Variants in SBNO2 observed in about 807,000 individuals in gnomAD.
The protein encoded by SBNO2 is protein strawberry notch homolog 2.
In SBNO2, 89 loss-of-function variants were observed where a neutral mutation model predicts 146.3. The ratio of observed to expected loss-of-function variants is 0.61; its 90% CI spans 0.51 to 0.73. SBNO2 has a LOEUF of 0.73. Ranked by LOEUF, SBNO2 falls within the 30% of genes least tolerant of loss-of-function variation. The pLI, the probability that SBNO2 is intolerant of heterozygous loss-of-function variation, is 0.00. For synonymous variants in SBNO2, 1,147 were observed against 892.6 expected, an observed-to-expected ratio of 1.29 and a Z score of -5.08; for missense variants, 2,092 against 2,003.7, an observed-to-expected ratio of 1.04 and a Z score of -0.84.
chr19:1,160,416 G>A (rs2080332450), intron 1 of SBNO2, among the ~76,000 whole-genome samples: 1 of 152,218 alleles, frequency 6.6e-6, no homozygotes. Context: ...TATTACAATG[G>A]CGGCCGCCTG....
chr19:1,116,148 C>T, intron 16 of SBNO2, 45 bp from the exon 17 acceptor site: 1 of 1,561,106 alleles, frequency 6.4e-7, no homozygotes, highest in Non-Finnish European at 8.7e-7. Flanking sequence ...GGAGCTGAGG[C>T]CAGGCGGGGT....
intron 4 of SBNO2, among the ~76,000 whole-genome samples, chr19:1,142,459 C>T (rs189847261): frequency 2.0e-4 from 31 of 152,358 alleles, no homozygotes; most frequent in Admixed American, 1.8e-3. Context: ...CCAGGCGGAT[C>T]GCCTGAGGTC....
At chr19:1,151,915 G>A (rs117800971) in intron 2 of SBNO2, among the ~76,000 whole-genome samples, 1,847 of 152,262 alleles carry the variant, frequency 0.012, 9 homozygotes, top group Non-Finnish European at 0.018. Context: ...TGCCCACCTC[G>A]GCCTCCCAGA....
At chr19:1,155,642 T>TG (rs1367751704) in intron 1 of SBNO2, among the ~76,000 whole-genome samples, 1 of 152,174 alleles carries the variant, frequency 6.6e-6, no homozygotes, top group Non-Finnish European at 1.5e-5. Context: ...CCTTCTGAGT[T>TG]GAATAACCTC....
Position 1,111,462 on chromosome 19 carries a change from C to T in SBNO2, c.2809+44G>A, listed in dbSNP as rs553330282. On this transcript the variant is annotated intron_variant, in intron 24 of 31. Coordinates refer to ENST00000361757, the MANE Select transcript of SBNO2 (RefSeq NM_014963.3). ...AGCTGCTCTGGAGCCCAGTGCTCTG[C>T]AACCCCTGCCCCTCCCAGGAAGACC... 2.2e-6 allele frequency: 3 copies of T among 1,387,308 alleles called. No individual in the cohort carries two copies. In the South Asian group the frequency reaches 3.7e-5, roughly 17 times the overall value. The allele number at this position is 1,387,308 out of a possible 1,614,324, so 85.9% of individuals were successfully genotyped here.
In SBNO2 at chr19:1,117,551, C is replaced by T; in HGVS notation, c.1528-52G>A. On this transcript the variant is annotated intron_variant, in intron 14 of 31. Transcript: ENST00000361757. ...CTGAGCTGTGGCTCCTGGCTCCCGA[C>T]CCGGGCCCCGGCCCACCTGCCGCCA... The T allele has an allele frequency of 2.0e-6, 3 of 1,500,766 alleles. No individual in the cohort carries two copies. The South Asian group carries it at 3.8e-5, about 19-fold the overall frequency. The allele number at this position is 1,500,766 out of a possible 1,614,324, so 93.0% of individuals were successfully genotyped here. A position where few individuals can be genotyped will look rare whatever the true frequency, so the allele number is the denominator to read the frequency against.
rs573567306 is a variant in SBNO2, at chr19:1,126,248, C to T, written c.441+1356G>A. Among the ~76,000 whole-genome samples, 3 of 152,234 alleles carry T rather than the reference C, an allele frequency of 2.0e-5. No individual in the cohort carries two copies. In the South Asian group the frequency reaches 6.2e-4, roughly 32 times the overall value. ...AAGCGTGGCACAGGAAGGTTAGAAA[C>T]CTATACTCAGTTGCCCTCTCCTTTT... On this transcript the variant is annotated intron_variant, in intron 5 of 31. Coordinates refer to ENST00000361757, the MANE Select transcript of SBNO2 (RefSeq NM_014963.3). The surrounding 1 kb of genome is among the most constrained non-coding windows in gnomAD (Gnocchi z 4.4).
intron 1 of SBNO2, among the ~76,000 whole-genome samples, chr19:1,164,410 GGAGGAGGAA>G (rs2080382239): frequency 1.8e-5 from 2 of 111,654 alleles, no homozygotes; most frequent in African/African-American, 6.2e-5. Flanking sequence ...AGGAGGAGGA[GGAGGAGGAA>G]CAGGAGGAGG....
At chr19:1,117,250 G>T (rs2079843615) in intron 15 of SBNO2, 73 bp downstream of exon 15, 1 of 1,413,282 alleles carries the variant, frequency 7.1e-7, no homozygotes, top group Non-Finnish European at 9.5e-7. Context: ...GGCCAGGAAG[G>T]ACCTGGAAGA....
At position 1,174,209 on chromosome 19, in the gene SBNO2, G is replaced by C. The variant is rs938461040; in HGVS notation, c.-164C>G. 6.6e-6 allele frequency: 1 copy of C among 151,868 alleles called. No homozygotes were observed. The highest frequency in any genetic ancestry group is 1.9e-4 in the East Asian group (1 of 5,146). 9.4% of individuals were successfully genotyped at this position (151,868 alleles called of 1,614,324 possible). A position where few individuals can be genotyped will look rare whatever the true frequency, so the allele number is the denominator to read the frequency against. ...TCCGGCCGGGCGCGGAGCCCGCGGC[G>C]CCTGTTTCTCCGAGCCTCGCAGCTG... is the stretch of plus-strand genomic sequence containing the variant. On this transcript the variant is annotated 5_prime_UTR_variant, in exon 1 of 32. Transcript: ENST00000361757.
At chr19:1,124,052 C>T (rs1339657232) in intron 5 of SBNO2, 30 bp from the exon 6 acceptor site, 1 of 1,600,074 alleles carries the variant, frequency 6.2e-7, no homozygotes. Context: ...TCAGCCCGGG[C>T]CAGACGGGAC....
intron 14 of SBNO2, among the ~76,000 whole-genome samples, chr19:1,117,886 G>C (rs541740113): frequency 6.6e-6 from 1 of 152,344 alleles, no homozygotes; most frequent in Non-Finnish European, 1.5e-5. Flanking sequence ...TCAGGTTTGG[G>C]GGCTGGTCCC....
rs1396715479 is a variant in SBNO2 at position 1,173,068 on chromosome 19, C to T, written c.-127+1104G>A. On this transcript the variant is annotated intron_variant, in intron 1 of 31. Transcript: ENST00000361757. This position sits in a 1 kb window ranked among gnomAD's most constrained non-coding sequence, Gnocchi z 4.7. ...GACACCCACCGTCCCTGCCCCAGCA[C>T]CATCCGTGCCCGGCGTCCCTGGAGG... Among the ~76,000 whole-genome samples the T allele has an allele frequency of 1.3e-5, 2 of 151,912 alleles. No homozygotes were observed. The highest frequency in any genetic ancestry group is 1.9e-4 in the East Asian group (1 of 5,164).
rs904866576 is a variant in SBNO2, at chr19:1,140,799, C to T, written c.279+6510G>A. 2.0e-5 allele frequency among the ~76,000 whole-genome samples: 3 copies of T among 151,888 alleles called. No homozygotes were observed. The highest frequency in any genetic ancestry group is 4.4e-5 in the Non-Finnish European group (3 of 67,932). ...CCTCTGCTCAGCCTTGGGTCTTCCC[C>T]CAGGCTGAGAGAAACAGGAAATGGA... On this transcript the variant is annotated intron_variant, in intron 4 of 31. Coordinates refer to ENST00000361757, the MANE Select transcript of SBNO2 (RefSeq NM_014963.3). This position sits in a 1 kb window ranked among gnomAD's most constrained non-coding sequence, Gnocchi z 4.4.
At chr19:1,125,358 CAAAA>C (rs35572800) in intron 5 of SBNO2, among the ~76,000 whole-genome samples, 11 of 53,158 alleles carry the variant, frequency 2.1e-4, no homozygotes, top group Admixed American at 4.4e-4. Context: ...GACTCCATCT[CAAAA>C]AAAAAAAAAA....
intron 11 of SBNO2, among the ~76,000 whole-genome samples, chr19:1,120,474 C>T (rs1465438183): frequency 1.3e-5 from 2 of 152,196 alleles, no homozygotes; most frequent in African/African-American, 4.8e-5. Context: ...TCAAGTGATT[C>T]TCCTGCTTCA....
rs377014448 is a variant in SBNO2 at position 1,113,000 on chromosome 19, G to A, written c.2248-51C>T. On this transcript the variant is annotated intron_variant, in intron 19 of 31. Coordinates refer to ENST00000361757, the MANE Select transcript of SBNO2 (RefSeq NM_014963.3). This position sits in a 1 kb window ranked among gnomAD's most constrained non-coding sequence, Gnocchi z 5.9. Reference sequence around the variant, plus strand: ...GGCCGTCAGTGTTGTGGCCTCGCAGGAGTCTGGCCACCCGTGTCTCAGCTT... The same window carrying A: ...GGCCGTCAGTGTTGTGGCCTCGCAGAAGTCTGGCCACCCGTGTCTCAGCTT... 7.3e-6 allele frequency: 11 copies of A among 1,512,924 alleles called. No homozygotes were observed. The African/African-American group carries it at 1.2e-4, about 17-fold the overall frequency. 93.7% of individuals were successfully genotyped at this position (1,512,924 alleles called of 1,614,324 possible). A position where few individuals can be genotyped will look rare whatever the true frequency, so the allele number is the denominator to read the frequency against.
At chr19:1,123,701 C>G in intron 6 of SBNO2, 62 bp from the exon 7 acceptor site, 1 of 1,477,684 alleles carries the variant, frequency 6.8e-7, no homozygotes, top group South Asian at 1.2e-5. Flanking sequence ...GCACTGGGCT[C>G]CCCCAGGGGC....
chr19:1,117,565 C>T lies in SBNO2; in HGVS notation c.1528-66G>A, dbSNP rs895430992. The T allele has an allele frequency of 7.5e-6, 11 of 1,475,298 alleles. No homozygotes were observed. In the African/African-American group the frequency reaches 1.6e-4, roughly 21 times the overall value. 91.4% of individuals were successfully genotyped at this position (1,475,298 alleles called of 1,614,324 possible). On this transcript the variant is annotated intron_variant, in intron 14 of 31. Transcript: ENST00000361757. ...CTGGCTCCCGACCCGGGCCCCGGCC[C>T]ACCTGCCGCCAGCCCTGGGCAAGGC... is the stretch of plus-strand genomic sequence containing the variant.
Sources: gnomAD v4.1 joint callset for allele counts (sites outside exome capture counted in the v4.1 genomes callset) on GRCh38, gnomAD v4.1.1 for gene constraint, Gnocchi (gnomAD v3.1) non-coding constraint, MANE v1.5 for transcripts, NCBI Gene and HGNC (gene_info 2026-07-23, HGNC 2026-07-21) for gene names.